The following CC2D2A variants were observed in gnomAD, a reference collection of about 807,000 sequenced individuals.
CC2D2A encodes coiled-coil and C2 domain containing 2A.
Under a neutral mutation model 212.9 loss-of-function variants are expected in CC2D2A, and 155 were observed. That is an observed-to-expected ratio of 0.73 (90% CI 0.64 to 0.83). The LOEUF (loss-of-function observed/expected upper bound fraction) is 0.83, where lower values mean the gene tolerates loss of function less well. Ranked by LOEUF, CC2D2A falls within the 40% of genes least tolerant of loss-of-function variation. CC2D2A has a pLI of 0.00. For missense variants in CC2D2A, 1,856 were observed against 1,956.2 expected, an observed-to-expected ratio of 0.95 and a Z score of 0.97; for synonymous variants, 667 against 686.5, an observed-to-expected ratio of 0.97 and a Z score of 0.44.
rs1271886928 is a variant in CC2D2A at position 15,540,135 on chromosome 4, C to CA, written c.2004-694dup. 3.3e-5 allele frequency among the ~76,000 whole-genome samples: 5 copies of CA among 151,832 alleles called. No individual in the cohort carries two copies. In the East Asian group the frequency reaches 5.8e-4, roughly 18 times the overall value. ...TTTTAATAAACTACCACCCCTCCCC[C>CA]AAAAAAAACCTAAGCTTGTTTCAAA... On this transcript the variant is annotated intron_variant, in intron 16 of 36. Transcript: ENST00000424120.
chr4:15,520,405 T>C (rs1015744226), intron 11 of CC2D2A, among the ~76,000 whole-genome samples: 3 of 152,162 alleles, frequency 2.0e-5, no homozygotes, highest in African/African-American at 7.2e-5. Flanking sequence ...ATCAAAACAA[T>C]ATCAACTTAT....
intron 28 of CC2D2A, 125 bp downstream of exon 28, chr4:15,570,621 A>G: frequency 1.7e-6 from 1 of 580,698 alleles, no homozygotes; most frequent in Non-Finnish European, 3.2e-6. Context: ...TTGGGAGGCC[A>G]AGGAGGGCAC....
At position 15,599,738 on chromosome 4, in the gene CC2D2A, G is replaced by A. The variant is rs368183771; in HGVS notation, c.4674+32G>A. 2.3e-5 allele frequency: 34 copies of A among 1,506,694 alleles called. No homozygotes were observed. In the African/African-American group the frequency reaches 3.2e-4, roughly 14 times the overall value. The allele number at this position is 1,506,694 out of a possible 1,614,324, so 93.3% of individuals were successfully genotyped here. A position where few individuals can be genotyped will look rare whatever the true frequency, so the allele number is the denominator to read the frequency against. On this transcript the variant is annotated intron_variant, in intron 36 of 36. Transcript: ENST00000424120. Reference sequence around the variant, plus strand: ...TACAAATGGATCCTAAACTGACTGTGGATTTCCTTGTTTCAAATTGGAAAT... The same window carrying A: ...TACAAATGGATCCTAAACTGACTGTAGATTTCCTTGTTTCAAATTGGAAAT...
chr4:15,472,894 C>G (rs1713933135), intron 1 of CC2D2A, among the ~76,000 whole-genome samples: 1 of 152,160 alleles, frequency 6.6e-6, no homozygotes, highest in Non-Finnish European at 1.5e-5. Flanking sequence ...CCTGTAGGGT[C>G]AGTGAAACCT....
At position 15,527,421 on chromosome 4, in the gene CC2D2A, T is replaced by C. The variant is rs746801069; in HGVS notation, c.1150-26T>C. 1.8e-5 allele frequency: 29 copies of C among 1,569,706 alleles called. No homozygotes were observed. In the South Asian group the frequency reaches 3.3e-4, roughly 18 times the overall value. ...TCTAGTAAGTGCTTTAACTGTGTTC[T>C]GTCTACACTCTGCTTTCCTTGGCAG... On this transcript the variant is annotated intron_variant, in intron 11 of 36. Coordinates refer to ENST00000424120, the MANE Select transcript of CC2D2A (RefSeq NM_001378615.1).
At chr4:15,553,548 G>A (rs1040606853) in intron 19 of CC2D2A, among the ~76,000 whole-genome samples, 2 of 152,184 alleles carry the variant, frequency 1.3e-5, no homozygotes, top group African/African-American at 4.8e-5. Flanking sequence ...ACAGTGAAAA[G>A]AACTTAATCT....
At chr4:15,502,320 T>A in intron 4 of CC2D2A, 109 bp from the exon 5 acceptor site, 1 of 818,208 alleles carries the variant, frequency 1.2e-6, no homozygotes, top group East Asian at 2.7e-5. Flanking sequence ...ATTTCTTTTT[T>A]AATTTAACCT....
intron 11 of CC2D2A, among the ~76,000 whole-genome samples, chr4:15,524,447 A>ATTTTTTTTTT (rs71179636): frequency 3.3e-5 from 3 of 89,984 alleles, no homozygotes; most frequent in Admixed American, 1.3e-4. Flanking sequence ...AAAATTTTTA[A>ATTTTTTTTTT]TTTTTTTTTT....
intron 2 of CC2D2A, among the ~76,000 whole-genome samples, chr4:15,476,395 T>C (rs1714214877): frequency 6.6e-6 from 1 of 152,268 alleles, no homozygotes; most frequent in South Asian, 2.1e-4. Flanking sequence ...TCATTTAGTT[T>C]ACTAAGATTG....
intron 4 of CC2D2A, among the ~76,000 whole-genome samples, chr4:15,489,716 C>A (rs540009653): frequency 6.6e-6 from 1 of 152,282 alleles, no homozygotes; most frequent in South Asian, 2.1e-4. Flanking sequence ...TTGAAAATGT[C>A]CTTGCCAAGG....
At chr4:15,564,036 G>C (rs1416580475) in intron 24 of CC2D2A, 1 of 157,190 alleles carries the variant, frequency 6.4e-6, no homozygotes, top group East Asian at 1.8e-4. Context: ...GGTATGAGCT[G>C]GGGAGAGTCA....
chr4:15,484,607 G>A (rs531953811), intron 4 of CC2D2A, among the ~76,000 whole-genome samples: 3 of 151,832 alleles, frequency 2.0e-5, no homozygotes, highest in Non-Finnish European at 4.4e-5. Flanking sequence ...GGAAATCTGG[G>A]TATTTGGAAG....
intron 4 of CC2D2A, among the ~76,000 whole-genome samples, chr4:15,483,972 C>A (rs1374907368): frequency 6.6e-6 from 1 of 152,188 alleles, no homozygotes. Flanking sequence ...GTTCTCCGAC[C>A]TACCTAAACT....
rs1392635342 is a variant in CC2D2A, at chr4:15,511,290, T to TTA, written c.585_586dup (p.Thr196IlefsTer63). 6.2e-7 allele frequency: 1 copy of TTA among 1,601,806 alleles called. No homozygotes were observed. Among genetic ancestry groups the TTA allele is most frequent in the South Asian group, 1.1e-5 (1 of 88,134 alleles). On this transcript the variant is annotated frameshift_variant, in exon 8 of 37. Transcript: ENST00000424120. LOFTEE classifies it high-confidence loss of function. ...TCTGCAGAAGAGGCCTATAACTTCT[T>TTA]TACTTTCAACTTTGATCCCGAACCA...
At chr4:15,522,080 G>A (rs1717234437) in intron 11 of CC2D2A, among the ~76,000 whole-genome samples, 2 of 152,070 alleles carry the variant, frequency 1.3e-5, no homozygotes, top group Admixed American at 1.3e-4. Context: ...ACATGCCTGT[G>A]GTCCCAGCTA....
Position 15,475,971 on chromosome 4 carries a change from G to C in CC2D2A, c.39G>C (p.Glu13Asp). Residue 13 changes from glutamate to aspartate, a missense_variant and splice_region_variant, in exon 2 of 37, where the codon GAG (glutamate) becomes GAC (aspartate). Glu to Asp is a conservative substitution (Grantham distance 45). Transcript: ENST00000424120. ...PREEKVKIIT[E>D]EFIENDEDAD... ...AAGAAAAAGTAAAAATAATTACAGA[G>C]GTAAGTGGCCACTTTGATGTCCTCT... is the stretch of plus-strand genomic sequence containing the variant. 6.3e-7 allele frequency: 1 copy of C among 1,589,376 alleles called. No homozygotes were observed. The highest frequency in any genetic ancestry group is 2.3e-5 in the East Asian group (1 of 43,968).
In CC2D2A at chr4:15,497,603, C is replaced by T. The variant is rs181268601; in HGVS notation, c.248-4826C>T. 2.0e-5 allele frequency among the ~76,000 whole-genome samples: 3 copies of T among 152,324 alleles called. No homozygotes were observed. The East Asian group carries it at 5.8e-4, about 29-fold the overall frequency. On this transcript the variant is annotated intron_variant, in intron 4 of 36. Coordinates refer to ENST00000424120, the MANE Select transcript of CC2D2A (RefSeq NM_001378615.1). ...ACCCAAATGTTTTCCAAAGTAGCTA[C>T]AGCAATTTATATTCCTACCAGCATA...
intron 12 of CC2D2A, 64 bp downstream of exon 12, chr4:15,527,720 T>C (rs1717592365): frequency 1.6e-6 from 2 of 1,285,282 alleles, no homozygotes; most frequent in Non-Finnish European, 1.1e-6. Flanking sequence ...GCCCAAACAA[T>C]GAAAATTTCT....
chr4:15,473,694 T>A (rs1396072082), intron 1 of CC2D2A, among the ~76,000 whole-genome samples: 1 of 152,222 alleles, frequency 6.6e-6, no homozygotes, highest in Non-Finnish European at 1.5e-5. Context: ...ATTAGGAGTT[T>A]CTTGCAGTAG....
Sources: gnomAD v4.1 joint callset for allele counts (sites outside exome capture counted in the v4.1 genomes callset) on GRCh38, gnomAD v4.1.1 for gene constraint, MANE v1.5 for transcripts, NCBI Gene and HGNC (gene_info 2026-07-23, HGNC 2026-07-21) for gene names.